SLC10A7: variants seen among roughly 807,000 people sequenced by gnomAD.
The protein encoded by SLC10A7 is solute carrier family 10 member 7, also known as sodium/bile acid cotransporter 7.
SLC10A7 carries 29 observed loss-of-function variants against 43.2 expected under a neutral mutation model. The ratio of observed to expected loss-of-function variants is 0.67; its 90% CI spans 0.50 to 0.92. The LOEUF is 0.92. SLC10A7 is among the 40% of genes least tolerant of loss of function. The pLI is 0.00. For missense variants in SLC10A7, 295 were observed against 403.2 expected, an observed-to-expected ratio of 0.73 and a Z score of 2.30; for synonymous variants, 152 against 144.8, an observed-to-expected ratio of 1.05 and a Z score of -0.35.
intron 5 of SLC10A7, among the ~76,000 whole-genome samples, chr4:146,346,416 G>A (rs1267742859): frequency 6.6e-6 from 1 of 151,996 alleles, no homozygotes; most frequent in Non-Finnish European, 1.5e-5. Context: ...CAAAAACAAT[G>A]TCCTCTTCTG....
intron 6 of SLC10A7, among the ~76,000 whole-genome samples, chr4:146,320,766 G>A (rs913627202): frequency 2.0e-5 from 3 of 151,972 alleles, no homozygotes; most frequent in African/African-American, 7.2e-5. Context: ...TAGTGGCCTG[G>A]GGTTCTATTG....
chr4:146,466,974 C>T (rs1477734345), intron 4 of SLC10A7, among the ~76,000 whole-genome samples: 1 of 152,042 alleles, frequency 6.6e-6, no homozygotes, highest in African/African-American at 2.4e-5. Context: ...ATTGTCATGG[C>T]CCCAAAAAAC....
intron 10 of SLC10A7, among the ~76,000 whole-genome samples, chr4:146,261,990 T>G (rs1578730456): frequency 6.6e-6 from 1 of 152,338 alleles, no homozygotes; most frequent in East Asian, 1.9e-4. Context: ...GCCCATATTG[T>G]AAATGGATTC....
intron 6 of SLC10A7, among the ~76,000 whole-genome samples, chr4:146,319,045 T>C (rs916082168): frequency 6.6e-6 from 1 of 152,052 alleles, no homozygotes; most frequent in Non-Finnish European, 1.5e-5. Flanking sequence ...CAGTCCAGCA[T>C]CCAGAATCAT....
intron 4 of SLC10A7, among the ~76,000 whole-genome samples, chr4:146,453,540 A>C (rs1731783293): frequency 1.3e-5 from 2 of 152,008 alleles, no homozygotes. Context: ...ATGACAGTTA[A>C]TAAAGGAAAT....
intron 1 of SLC10A7, among the ~76,000 whole-genome samples, chr4:146,517,369 G>A (rs1441734376): frequency 6.6e-6 from 1 of 151,992 alleles, no homozygotes; most frequent in Non-Finnish European, 1.5e-5. Context: ...GAGGCTGAGT[G>A]GGAGGATTAC....
At chr4:146,414,461 C>T (rs368814352) in intron 5 of SLC10A7, among the ~76,000 whole-genome samples, 13 of 152,172 alleles carry the variant, frequency 8.5e-5, no homozygotes, top group East Asian at 3.9e-4. Context: ...CGGTGGCTCA[C>T]GCCTGTAATC....
chr4:146,457,907 A>G (rs1470169429), intron 4 of SLC10A7, among the ~76,000 whole-genome samples: 2 of 151,952 alleles, frequency 1.3e-5, no homozygotes, highest in Non-Finnish European at 2.9e-5. Flanking sequence ...CCAAATATTT[A>G]AAGAAGAAAT....
At chr4:146,424,511 T>A (rs1337613797) in intron 5 of SLC10A7, among the ~76,000 whole-genome samples, 1 of 151,754 alleles carries the variant, frequency 6.6e-6, no homozygotes, top group Admixed American at 6.6e-5. Flanking sequence ...AATGCAAAAA[T>A]TAGCTGGGCG....
At chr4:146,487,864 C>A (rs1486275363) in intron 4 of SLC10A7, among the ~76,000 whole-genome samples, 1 of 150,886 alleles carries the variant, frequency 6.6e-6, no homozygotes, top group African/African-American at 2.4e-5. Flanking sequence ...GAGTTGGAGA[C>A]CAGCCCTAAG....
At chr4:146,486,394 C>T (rs553452885) in intron 4 of SLC10A7, among the ~76,000 whole-genome samples, 1 of 152,254 alleles carries the variant, frequency 6.6e-6, no homozygotes, top group East Asian at 1.9e-4. Flanking sequence ...ATTTAACAAG[C>T]TATTTTAAGC....
At chr4:146,293,213 A>C (rs1730560298) in intron 8 of SLC10A7, among the ~76,000 whole-genome samples, 1 of 152,196 alleles carries the variant, frequency 6.6e-6, no homozygotes, top group Non-Finnish European at 1.5e-5. Flanking sequence ...GGAAAACCTA[A>C]GGCCTCTTTA....
rs1258920252 is a variant in SLC10A7 at position 146,440,446 on chromosome 4, A to G, written c.435+2337T>C. 3.9e-5 allele frequency among the ~76,000 whole-genome samples: 6 copies of G among 152,270 alleles called. No homozygotes were observed. The East Asian group carries it at 1.2e-3, about 29-fold the overall frequency. On this transcript the variant is annotated intron_variant, in intron 5 of 11. Coordinates refer to ENST00000335472, the MANE Select transcript of SLC10A7 (RefSeq NM_001029998.6). The stretch of plus-strand genomic sequence containing the variant: ...AGGCAGCCTTGAGGAAGAAAACTGC[A>G]TGCTGCAGATGGTGGAGGAGAGAGA...
intron 10 of SLC10A7, among the ~76,000 whole-genome samples, chr4:146,260,111 A>G (rs540764519): frequency 1.3e-5 from 2 of 152,314 alleles, no homozygotes; most frequent in East Asian, 3.9e-4. Context: ...AACTCTTCCC[A>G]AACATAGTCT....
intron 5 of SLC10A7, among the ~76,000 whole-genome samples, chr4:146,377,424 CT>C (rs894696369): frequency 6.6e-6 from 1 of 152,184 alleles, no homozygotes; most frequent in African/African-American, 2.4e-5. Flanking sequence ...TAACACACCC[CT>C]GGATGCTGCT....
rs1727828623 is a variant in SLC10A7, at chr4:146,255,192, G to A, written c.*1299C>T. On this transcript the variant is annotated 3_prime_UTR_variant, in exon 12 of 12. Transcript: ENST00000335472. The stretch of plus-strand genomic sequence containing the variant: ...GACGGCATGGGGGAAACACAGAAAA[G>A]TGTTCTCGTAGTTCTATACGTGGCT... 1 of 152,616 alleles carries A rather than the reference G, an allele frequency of 6.6e-6. No homozygotes were observed. The highest frequency in any genetic ancestry group is 2.4e-5 in the African/African-American group (1 of 41,438). The allele number at this position is 152,616 out of a possible 1,614,324, so 9.5% of individuals were successfully genotyped here.
At chr4:146,468,737 C>G (rs902746299) in intron 4 of SLC10A7, among the ~76,000 whole-genome samples, 6 of 152,120 alleles carry the variant, frequency 3.9e-5, no homozygotes, top group Non-Finnish European at 7.4e-5. Flanking sequence ...GCAGGGATTA[C>G]AGGCGTGAGC....
chr4:146,294,054 C>T lies in SLC10A7; in HGVS notation c.597G>A (p.Lys199=). ...RYIKDWLERK[K]PPFGAISSSV... is the part of the protein sequence containing the mutation. ...TGCTGCTGATAGCACCAAAAGGAGGCTTCTTTCTCTCAAGCCAATCCTTGA... is the reference window on the plus strand; with the variant it reads ...TGCTGCTGATAGCACCAAAAGGAGGTTTCTTTCTCTCAAGCCAATCCTTGA... The change falls in exon 8 of 12, where the codon AAG becomes AAA. Residue 199 remains lysine (K), a synonymous_variant. Transcript: ENST00000335472. 6.2e-7 allele frequency: 1 copy of T among 1,611,066 alleles called. No homozygotes were observed. The highest frequency in any genetic ancestry group is 8.5e-7 in the Non-Finnish European group (1 of 1,178,126).
chr4:146,435,612 C>G lies in SLC10A7; in HGVS notation c.435+7171G>C, dbSNP rs1235403006. ...ATGCCAGAACCCCAAAATATTAGCT[C>G]AACAAATAGATTAACCATACAAAAT... On this transcript the variant is annotated intron_variant, in intron 5 of 11. Coordinates refer to ENST00000335472, the MANE Select transcript of SLC10A7 (RefSeq NM_001029998.6). 2.0e-5 allele frequency among the ~76,000 whole-genome samples: 3 copies of G among 152,130 alleles called. No homozygotes were observed. The East Asian group carries it at 5.8e-4, about 29-fold the overall frequency.
Sources: allele counts gnomAD v4.1 joint callset (sites outside exome capture counted in the v4.1 genomes callset), GRCh38; gene constraint gnomAD v4.1.1; transcripts MANE v1.5; gene names NCBI Gene and HGNC (gene_info 2026-07-23, HGNC 2026-07-21).